Variants in FAM110B observed in about 807,000 individuals in gnomAD.
FAM110B encodes protein FAM110B.
FAM110B carries 6 observed loss-of-function variants against 20.4 expected under a neutral mutation model. The ratio of observed to expected loss-of-function variants is 0.29; its 90% CI spans 0.16 to 0.58. FAM110B has a LOEUF of 0.58. FAM110B is among the 20% of genes least tolerant of loss of function. FAM110B has a pLI of 0.90. For missense variants in FAM110B, 434 were observed against 498.2 expected (o/e 0.87, Z 1.23); for synonymous variants, 226 against 214.1 (o/e 1.06, Z -0.49).
At chr8:58,140,089 C>G (rs1033865124) in intron 3 of FAM110B, among the ~76,000 whole-genome samples, 1 of 152,032 alleles carries the variant, frequency 6.6e-6, no homozygotes, top group Non-Finnish European at 1.5e-5. Flanking sequence ...TTGGCTTAAG[C>G]CCAGGGTGCA....
chr8:58,102,439 C>T (rs1010183689), intron 3 of FAM110B, among the ~76,000 whole-genome samples: 4 of 152,048 alleles, frequency 2.6e-5, no homozygotes, highest in South Asian at 2.1e-4. Context: ...TCCTTATGTC[C>T]GACTTTTGGT....
intron 2 of FAM110B, among the ~76,000 whole-genome samples, chr8:58,049,522 G>C (rs1222511108): frequency 1.3e-5 from 2 of 152,080 alleles, no homozygotes; most frequent in Non-Finnish European, 2.9e-5. Context: ...ATGGATGGAT[G>C]GATGCACAGC....
chr8:58,119,198 G>A (rs1807291896), intron 3 of FAM110B, among the ~76,000 whole-genome samples: 2 of 152,154 alleles, frequency 1.3e-5, no homozygotes, highest in Non-Finnish European at 2.9e-5. Context: ...AGTTTAGAGG[G>A]TAACTTAGTC....
In FAM110B at chr8:58,087,806, CT is replaced by C. The variant is rs1806376247; in HGVS notation, c.-325+12186del. On this transcript the variant is annotated intron_variant, in intron 3 of 3. Coordinates refer to ENST00000519262, the MANE Select transcript of FAM110B (RefSeq NM_001377989.1). ...AGAAAGCTTCTGTAGTAAGAAAATACTTTGAAGATTACTGATCCTCAAAGTT... is the reference window on the plus strand; with the variant it reads ...AGAAAGCTTCTGTAGTAAGAAAATACTTGAAGATTACTGATCCTCAAAGTT... 4.6e-5 allele frequency among the ~76,000 whole-genome samples: 7 copies of C among 152,284 alleles called. No homozygotes were observed. The South Asian group carries it at 1.5e-3, about 32-fold the overall frequency.
chr8:58,013,673 C>T (rs139889617), intron 1 of FAM110B, among the ~76,000 whole-genome samples: 47 of 152,148 alleles, frequency 3.1e-4, no homozygotes, highest in African/African-American at 9.4e-4. Flanking sequence ...ATGCTGAAGC[C>T]GAGATATTTT....
chr8:58,142,472 G>A (rs1224408486), intron 3 of FAM110B, among the ~76,000 whole-genome samples: 1 of 152,114 alleles, frequency 6.6e-6, no homozygotes, highest in African/African-American at 2.4e-5. Context: ...TGGGTCCTTT[G>A]TCCCCCAGCT....
At position 58,101,707 on chromosome 8, in the gene FAM110B, G is replaced by C. The variant is rs560737870; in HGVS notation, c.-325+26084G>C. Among the ~76,000 whole-genome samples the C allele has an allele frequency of 5.3e-5, 8 of 152,028 alleles. No homozygotes were observed. In the East Asian group the frequency reaches 1.4e-3, roughly 26 times the overall value. ...ATGTTTCAAGAATTAATTTCTTGAT[G>C]GTACTCTGCTGCACTGTAATTTAGT... On this transcript the variant is annotated intron_variant, in intron 3 of 3. Transcript: ENST00000519262.
intron 2 of FAM110B, among the ~76,000 whole-genome samples, chr8:58,075,326 G>T (rs566680884): frequency 2.1e-5 from 3 of 145,564 alleles, no homozygotes; most frequent in Non-Finnish European, 4.4e-5. Context: ...ATCATGTTGG[G>T]CAGGCTGGTT....
At chr8:58,089,282 G>A (rs777089158) in intron 3 of FAM110B, among the ~76,000 whole-genome samples, 35 of 152,188 alleles carry the variant, frequency 2.3e-4, no homozygotes, top group Non-Finnish European at 4.7e-4. Flanking sequence ...TTGAATTGGG[G>A]ATCTTTATGT....
chr8:58,042,644 G>A (rs1019830085), intron 2 of FAM110B, among the ~76,000 whole-genome samples: 26 of 152,150 alleles, frequency 1.7e-4, no homozygotes, highest in African/African-American at 4.6e-4. Flanking sequence ...GTAGGACTGC[G>A]CTTTTCTAGA....
At chr8:58,023,671 G>A (rs994335427) in intron 1 of FAM110B, among the ~76,000 whole-genome samples, 4 of 152,068 alleles carry the variant, frequency 2.6e-5, no homozygotes, top group Non-Finnish European at 5.9e-5. Flanking sequence ...TGTTGGCTGG[G>A]AACTTTACTA....
At chr8:58,086,063 G>A (rs1165674215) in intron 3 of FAM110B, among the ~76,000 whole-genome samples, 1 of 152,074 alleles carries the variant, frequency 6.6e-6, no homozygotes, top group Non-Finnish European at 1.5e-5. Flanking sequence ...TTATAGGAGG[G>A]GCCTAATAAA....
At chr8:58,015,418 A>T (rs897470817) in intron 1 of FAM110B, among the ~76,000 whole-genome samples, 2 of 152,172 alleles carry the variant, frequency 1.3e-5, no homozygotes, top group African/African-American at 4.8e-5. Context: ...ATACTCTCAG[A>T]ACATTTGTTT....
chr8:58,064,806 G>A (rs747767588), intron 2 of FAM110B, among the ~76,000 whole-genome samples: 11 of 152,170 alleles, frequency 7.2e-5, no homozygotes, highest in Admixed American at 2.0e-4. Context: ...AAGGTTACCA[G>A]CTAGAAAGTA....
chr8:58,124,189 C>T (rs1807434938), intron 3 of FAM110B, among the ~76,000 whole-genome samples: 1 of 152,140 alleles, frequency 6.6e-6, no homozygotes, highest in South Asian at 2.1e-4. Context: ...TGACTAGAGG[C>T]CACATATACT....
At chr8:58,108,154 C>G (rs1806967062) in intron 3 of FAM110B, among the ~76,000 whole-genome samples, 2 of 152,224 alleles carry the variant, frequency 1.3e-5, no homozygotes, top group South Asian at 4.1e-4. Context: ...TTAAAGAGTT[C>G]TTACTCCAAA....
chr8:58,062,868 A>G (rs1794482015), intron 2 of FAM110B, among the ~76,000 whole-genome samples: 1 of 152,224 alleles, frequency 6.6e-6, no homozygotes, highest in African/African-American at 2.4e-5. Flanking sequence ...ACATAAAATG[A>G]GAGAATTGTC....
intron 2 of FAM110B, among the ~76,000 whole-genome samples, chr8:58,046,755 G>A (rs1390225769): frequency 6.6e-6 from 1 of 152,214 alleles, no homozygotes; most frequent in Non-Finnish European, 1.5e-5. Flanking sequence ...TGCAAGAAGA[G>A]TCATTGATGC....
At chr8:58,030,993 T>C (rs1451720789) in intron 1 of FAM110B, among the ~76,000 whole-genome samples, 1 of 152,188 alleles carries the variant, frequency 6.6e-6, no homozygotes, top group Admixed American at 6.5e-5. Context: ...TAATTTTTGC[T>C]GATAATGAAA....
Sources: allele counts gnomAD v4.1 joint callset (sites outside exome capture counted in the v4.1 genomes callset), GRCh38; gene constraint gnomAD v4.1.1; transcripts MANE v1.5; gene names NCBI Gene and HGNC (gene_info 2026-07-23, HGNC 2026-07-21).